CIMIP3: variants seen among roughly 807,000 people sequenced by gnomAD.
CIMIP3 encodes GUCA1A neighbor.
chr6:42,158,524 T>C, the CIMIP3 span, among the ~76,000 whole-genome samples: 4 of 152,178 alleles, frequency 2.6e-5, no homozygotes, highest in African/African-American at 7.2e-5. Context: ...CCAGGGCAGG[T>C]GGGCCCAAGC....
chr6:42,160,225 G>T, the CIMIP3 span, among the ~76,000 whole-genome samples: 1 of 152,116 alleles, frequency 6.6e-6, no homozygotes, highest in Admixed American at 6.5e-5. Flanking sequence ...TGGGCCTCAA[G>T]TGATCCTCCC....
the CIMIP3 span, chr6:42,163,280 C>T: frequency 3.0e-5 from 16 of 529,394 alleles, no homozygotes; most frequent in African/African-American, 1.8e-4. Flanking sequence ...CCCGACCCTT[C>T]ACCCTCACCC....
chr6:42,156,879 GGGGGCCC>G, the CIMIP3 span, among the ~76,000 whole-genome samples: 2 of 152,216 alleles, frequency 1.3e-5, no homozygotes, highest in Admixed American at 1.3e-4. Context: ...ACGTGCCCCT[GGGGGCCC>G]TCACCAGCCT....
At chr6:42,157,308 CGTAACCTCCTCCTCCCT>C in the CIMIP3 span, among the ~76,000 whole-genome samples, 2 of 152,098 alleles carry the variant, frequency 1.3e-5, no homozygotes, top group Non-Finnish European at 2.9e-5. Context: ...CTCAGCTCCC[CGTAACCTCCTCCTCCCT>C]GTAACCTCCT....
At chr6:42,155,722 C>A in the CIMIP3 span, 1 of 690,322 alleles carries the variant, frequency 1.4e-6, no homozygotes, top group African/African-American at 1.8e-5. Context: ...CACCCTCCAT[C>A]TTGCTTCCTC....
the CIMIP3 span, among the ~76,000 whole-genome samples, chr6:42,158,967 C>T: frequency 6.6e-5 from 10 of 152,158 alleles, no homozygotes; most frequent in Non-Finnish European, 4.4e-5. Context: ...TCTGCAGCTC[C>T]CTCATCTTCA....
chr6:42,158,247 C>G, the CIMIP3 span, among the ~76,000 whole-genome samples: 2 of 152,198 alleles, frequency 1.3e-5, no homozygotes, highest in Non-Finnish European at 2.9e-5. Flanking sequence ...TCTGCTAGGC[C>G]CTGGGGGAGG....
the CIMIP3 span, among the ~76,000 whole-genome samples, chr6:42,159,767 C>A: frequency 4.1e-4 from 62 of 152,340 alleles, no homozygotes; most frequent in South Asian, 0.013. Flanking sequence ...GGGCACAAGA[C>A]ACGTCATGGA....
At chr6:42,160,981 G>C in the CIMIP3 span, among the ~76,000 whole-genome samples, 1 of 152,170 alleles carries the variant, frequency 6.6e-6, no homozygotes, top group South Asian at 2.1e-4. Flanking sequence ...CTGAGGTCGG[G>C]AGTTTGAGAC....
At chr6:42,157,878 C>G in the CIMIP3 span, among the ~76,000 whole-genome samples, 5 of 152,178 alleles carry the variant, frequency 3.3e-5, no homozygotes, top group African/African-American at 1.2e-4. Flanking sequence ...TTCCTCAACC[C>G]TCTAAACCAG....
the CIMIP3 span, among the ~76,000 whole-genome samples, chr6:42,161,454 G>A: frequency 6.6e-6 from 1 of 152,174 alleles, no homozygotes; most frequent in African/African-American, 2.4e-5. Context: ...CTTTGGTGGT[G>A]CTGTCACGGT....
chr6:42,155,711 A>T, the CIMIP3 span: 35 of 701,538 alleles, frequency 5.0e-5, no homozygotes, highest in Non-Finnish European at 7.2e-5. Context: ...AGGGAACAGG[A>T]CACCCTCCAT....
At chr6:42,160,493 G>A in the CIMIP3 span, among the ~76,000 whole-genome samples, 8 of 152,182 alleles carry the variant, frequency 5.3e-5, no homozygotes, top group South Asian at 6.2e-4. Flanking sequence ...TGCTGGAGCC[G>A]TTTACAGCCT....
chr6:42,159,340 A>T, the CIMIP3 span, among the ~76,000 whole-genome samples: 1 of 152,130 alleles, frequency 6.6e-6, no homozygotes, highest in Non-Finnish European at 1.5e-5. Flanking sequence ...CTCCACAGGG[A>T]CCCTCTTGTG....
chr6:42,160,998 G>A, the CIMIP3 span, among the ~76,000 whole-genome samples: 4 of 152,102 alleles, frequency 2.6e-5, no homozygotes, highest in Non-Finnish European at 5.9e-5. Context: ...AGACCATCCT[G>A]ACAAATGTGG....
chr6:42,158,768 A>T, the CIMIP3 span, among the ~76,000 whole-genome samples: 4 of 152,344 alleles, frequency 2.6e-5, no homozygotes, highest in African/African-American at 2.4e-5. Context: ...CATTTGGCAG[A>T]TCCTCAATCC....
the CIMIP3 span, among the ~76,000 whole-genome samples, chr6:42,159,559 A>G: frequency 6.6e-6 from 1 of 152,240 alleles, no homozygotes; most frequent in Admixed American, 6.5e-5. Context: ...TCCAGCAGTC[A>G]AAATCCCACA....
chr6:42,162,811 T>C, the CIMIP3 span: 1 of 551,502 alleles, frequency 1.8e-6, no homozygotes, highest in Non-Finnish European at 3.3e-6. Flanking sequence ...CCAGAGTGGC[T>C]CTGGGGGCTT....
At chr6:42,156,150 C>G in the CIMIP3 span, among the ~76,000 whole-genome samples, 6 of 151,916 alleles carry the variant, frequency 3.9e-5, no homozygotes, top group South Asian at 2.1e-4. Context: ...CCTGCCACCA[C>G]GCCCGGCTAA....
Sources: allele counts gnomAD v4.1 joint callset (sites outside exome capture counted in the v4.1 genomes callset), GRCh38; gene constraint gnomAD v4.1.1; transcripts MANE v1.5; gene names NCBI Gene and HGNC (gene_info 2026-07-23, HGNC 2026-07-21).